HTR2C: variants seen among roughly 807,000 people sequenced by gnomAD.
HTR2C encodes 5-hydroxytryptamine (serotonin) receptor 2C, G protein-coupled.
Under a neutral mutation model 21.0 loss-of-function variants are expected in HTR2C, and 5 were observed. That is an observed-to-expected ratio of 0.24 (90% CI 0.12 to 0.50). The LOEUF (loss-of-function observed/expected upper bound fraction) is 0.50. Ranked by LOEUF, HTR2C falls within the 20% of genes least tolerant of loss-of-function variation. The pLI, the probability that HTR2C is intolerant of heterozygous loss-of-function variation, is 0.98. For missense variants in HTR2C, 271 were observed against 371.2 expected (o/e 0.73, Z 2.22); for synonymous variants, 150 against 145.3 (o/e 1.03, Z -0.23).
At chrX:114,646,210 G>A (rs1421879423) in intron 2 of HTR2C, among the ~76,000 whole-genome samples, 1 of 111,484 alleles carries the variant, frequency 9.0e-6, no homozygotes, top group African/African-American at 3.2e-5. Context: ...ATTATTTAAA[G>A]CATATTTAGA....
At chrX:114,680,617 C>T (rs1214791902) in intron 2 of HTR2C, among the ~76,000 whole-genome samples, 1 of 111,753 alleles carries the variant, frequency 8.9e-6, no homozygotes. Flanking sequence ...GTCTCACCTT[C>T]TCATCCTTGA....
chrX:114,599,276 C>A (rs1446614979), intron 1 of HTR2C, among the ~76,000 whole-genome samples: 3 of 111,574 alleles, frequency 2.7e-5, no homozygotes, highest in African/African-American at 9.8e-5. Flanking sequence ...GAGAGAGAAA[C>A]ATGTAAAGAC....
At chrX:114,662,809 T>G (rs1435528177) in intron 2 of HTR2C, among the ~76,000 whole-genome samples, 2 of 111,196 alleles carry the variant, frequency 1.8e-5, no homozygotes, top group African/African-American at 6.5e-5. Flanking sequence ...TGAGGAAACA[T>G]AGAGTAAGGG....
At chrX:114,743,706 A>G (rs1322887629) in intron 4 of HTR2C, among the ~76,000 whole-genome samples, 1 of 111,677 alleles carries the variant, frequency 9.0e-6, no homozygotes, top group Non-Finnish European at 1.9e-5. Context: ...GAAAATTTGA[A>G]CAAAAATGGG....
chrX:114,725,776 G>T (rs1311895407), intron 2 of HTR2C, among the ~76,000 whole-genome samples: 3 of 110,914 alleles, frequency 2.7e-5, no homozygotes, highest in African/African-American at 9.8e-5. Flanking sequence ...ACCCGGCCGT[G>T]TGAGGTGTCA....
At chrX:114,705,865 AAAAC>A (rs1379986520) in intron 2 of HTR2C, among the ~76,000 whole-genome samples, 3 of 77,331 alleles carry the variant, frequency 3.9e-5, no homozygotes, top group Non-Finnish European at 5.1e-5. Flanking sequence ...TTTACAAGAA[AAAAC>A]AAACAACCCC....
At chrX:114,585,780 A>G (rs1425021843) in intron 1 of HTR2C, among the ~76,000 whole-genome samples, 2 of 111,062 alleles carry the variant, frequency 1.8e-5, no homozygotes, top group Non-Finnish European at 3.8e-5. Flanking sequence ...CAGCTTCTTC[A>G]TTAATATTAC....
chrX:114,891,498 C>T (rs928228638), intron 5 of HTR2C, among the ~76,000 whole-genome samples: 2 of 110,305 alleles, frequency 1.8e-5, no homozygotes, highest in Non-Finnish European at 3.8e-5. Flanking sequence ...GCTGACATTT[C>T]TTTTCAGTTT....
intron 5 of HTR2C, among the ~76,000 whole-genome samples, chrX:114,864,900 CTTT>C (rs71947180): frequency 5.9e-5 from 5 of 84,669 alleles, no homozygotes; most frequent in Admixed American, 1.4e-4. Context: ...TTTTCTTTTT[CTTT>C]TTTTTTTTTT....
intron 4 of HTR2C, among the ~76,000 whole-genome samples, chrX:114,829,421 A>C (rs2070702502): frequency 9.0e-6 from 1 of 111,294 alleles, no homozygotes. Flanking sequence ...ATTTTCTTGC[A>C]TTCTGTGGGC....
At chrX:114,593,637 A>G (rs1927718847) in intron 1 of HTR2C, among the ~76,000 whole-genome samples, 1 of 110,354 alleles carries the variant, frequency 9.1e-6, no homozygotes. Context: ...TAATTAATAT[A>G]CAAAAAGACA....
intron 2 of HTR2C, among the ~76,000 whole-genome samples, chrX:114,628,383 C>T (rs1314658913): frequency 3.1e-5 from 3 of 98,227 alleles, no homozygotes; most frequent in Admixed American, 2.4e-4. Flanking sequence ...GGACTACAGG[C>T]GTGCACCACC....
At chrX:114,898,727 A>C (rs1300835522) in intron 5 of HTR2C, among the ~76,000 whole-genome samples, 10 of 111,590 alleles carry the variant, frequency 9.0e-5, no homozygotes, top group African/African-American at 3.3e-4. Flanking sequence ...TATTTCTGAG[A>C]TCTCTATTCT....
rs199842174 is a variant in HTR2C, at chrX:114,907,685, T to C, written c.*270T>C. ...TTTTGCTCTCCCTCCCTTCTTTCCTTCCTTTTTTCCTTTCTTCCTTCCTTT... is the reference window on the plus strand; with the variant it reads ...TTTTGCTCTCCCTCCCTTCTTTCCTCCCTTTTTTCCTTTCTTCCTTCCTTT... On this transcript the variant is annotated 3_prime_UTR_variant, in exon 6 of 6. Transcript: ENST00000276198. 5 of 257,351 alleles carry C rather than the reference T, an allele frequency of 1.9e-5. No individual in the cohort carries two copies. In the East Asian group the frequency reaches 3.0e-4, roughly 16 times the overall value. The allele number at this position is 257,351 out of a possible 1,213,427, so 21.2% of individuals were successfully genotyped here.
chrX:114,676,665 T>C (rs782405355), intron 2 of HTR2C, among the ~76,000 whole-genome samples: 1 of 112,506 alleles, frequency 8.9e-6, no homozygotes, highest in Admixed American at 9.4e-5. Flanking sequence ...TAAGTTGGAA[T>C]GTGGGATATC....
intron 4 of HTR2C, among the ~76,000 whole-genome samples, chrX:114,805,939 CCATATATATAT>C (rs1556449080): frequency 2.7e-4 from 23 of 85,652 alleles, no homozygotes; most frequent in African/African-American, 3.1e-4. Context: ...CATATATATA[CCATATATATAT>C]ACACCATATA....
At chrX:114,716,806 G>A (rs1389697032) in intron 2 of HTR2C, among the ~76,000 whole-genome samples, 6 of 111,067 alleles carry the variant, frequency 5.4e-5, no homozygotes, top group African/African-American at 2.0e-4. Context: ...AATTAAATGA[G>A]CTCCCCCAAA....
intron 4 of HTR2C, among the ~76,000 whole-genome samples, chrX:114,790,232 T>A (rs2070218209): frequency 9.0e-6 from 1 of 111,576 alleles, no homozygotes; most frequent in South Asian, 3.7e-4. Context: ...CAAGATCCCA[T>A]CCCACTCTTC....
At position 114,698,480 on chromosome X, in the gene HTR2C, GCACACAC is replaced by G. The variant is rs1932356077; in HGVS notation, c.-79-28377_-79-28371del. ...CACAAACACACACACACACAAACAC[GCACACAC>G]ACAGAGAAATGTTTCACCAAAGAGT... On this transcript the variant is annotated intron_variant, in intron 2 of 5. Coordinates refer to ENST00000276198, the MANE Select transcript of HTR2C (RefSeq NM_000868.4). 6.0e-3 allele frequency among the ~76,000 whole-genome samples: 222 copies of G among 37,278 alleles called. 1 individual carries two copies. The East Asian group carries it at 0.096, about 16-fold the overall frequency. 32.4% of individuals were successfully genotyped at this position (37,278 alleles called of 115,157 possible).
Sources: gnomAD v4.1 joint callset for allele counts (sites outside exome capture counted in the v4.1 genomes callset) on GRCh38, gnomAD v4.1.1 for gene constraint, MANE v1.5 for transcripts, NCBI Gene and HGNC (gene_info 2026-07-23, HGNC 2026-07-21) for gene names.